Variants in STAT5B observed in about 807,000 individuals in gnomAD.
STAT5B encodes the protein signal transducer and activator of transcription 5B, also known as transcription factor STAT5B.
Under a neutral mutation model 107.8 loss-of-function variants are expected in STAT5B, and 21 were observed. The ratio of observed to expected loss-of-function variants is 0.19; its 90% CI spans 0.14 to 0.28. The LOEUF (loss-of-function observed/expected upper bound fraction) is 0.28, where lower values mean the gene tolerates loss of function less well. Ranked by LOEUF, STAT5B falls within the 10% of genes least tolerant of loss-of-function variation. STAT5B has a pLI of 1.00. For synonymous variants in STAT5B, 325 were observed against 401.7 expected (o/e 0.81, Z 2.28); for missense variants, 565 against 1,008.2 (o/e 0.56, Z 5.95).
intron 1 of STAT5B, among the ~76,000 whole-genome samples, chr17:42,240,687 T>C (rs1171563851): frequency 2.0e-5 from 3 of 152,210 alleles, no homozygotes; most frequent in Non-Finnish European, 2.9e-5. Flanking sequence ...CCAGGGTCGG[T>C]CCATACTACT....
At chr17:42,269,887 G>A (rs1480441409) in intron 1 of STAT5B, 1 of 151,234 alleles carries the variant, frequency 6.6e-6, no homozygotes. Context: ...CAGAGCTCTA[G>A]ACATACAATA....
At chr17:42,263,701 A>AT (rs1216950752) in intron 1 of STAT5B, among the ~76,000 whole-genome samples, 1 of 151,886 alleles carries the variant, frequency 6.6e-6, no homozygotes, top group Non-Finnish European at 1.5e-5. Flanking sequence ...TAATTTTTTA[A>AT]TTTTTTGTAG....
At chr17:42,244,918 T>C (rs1567670532) in intron 1 of STAT5B, among the ~76,000 whole-genome samples, 1 of 152,138 alleles carries the variant, frequency 6.6e-6, no homozygotes, top group Non-Finnish European at 1.5e-5. Context: ...ATTTATTTTT[T>C]TGAGACAGAG....
chr17:42,217,860 A>G (rs766468884), intron 9 of STAT5B: 184 of 454,544 alleles, frequency 4.0e-4, no homozygotes, highest in Middle Eastern at 6.6e-4. Context: ...GCCTGCCACC[A>G]CGCCCGGCTA....
chr17:42,218,200 T>C lies in STAT5B; in HGVS notation c.1120A>G (p.Ile374Val). The C allele has an allele frequency of 3.1e-6, 5 of 1,614,146 alleles. No homozygotes were observed. Among genetic ancestry groups the C allele is most frequent in the Non-Finnish European group, 3.4e-6 (4 of 1,180,030 alleles). The change falls in exon 9 of 19, where the codon ATC (isoleucine) becomes GTC (valine). Residue 374 changes from isoleucine (I) to valine (V), a missense_variant. This residue lies in a region of STAT5B where 70 missense variants were observed against 73.2 expected (regional missense o/e 0.96). Coordinates refer to ENST00000293328, the MANE Select transcript of STAT5B (RefSeq NM_012448.4). ...AGAGACTTGGCCTGCTGCTCACTGA[T>C]GATGGTGGCCTTCACCTGGGGGGGG... ...MNPPQVKATI[I>V]SEQQAKSLLK... is the part of the protein sequence containing the mutation.
rs889738722 is a variant in STAT5B, at chr17:42,201,577, G to A, written c.*161C>T. On this transcript the variant is annotated 3_prime_UTR_variant, in exon 19 of 19. Coordinates refer to ENST00000293328, the MANE Select transcript of STAT5B (RefSeq NM_012448.4). ...ACAAACACATACTCGCACTCCCTTC[G>A]CTGGTGCCACCATGCACAGAAACAC... 10 of 701,326 alleles carry A rather than the reference G, an allele frequency of 1.4e-5. No homozygotes were observed. Among genetic ancestry groups the A allele is most frequent in the Middle Eastern group, 3.1e-4 (1 of 3,230 alleles). 43.4% of individuals were successfully genotyped at this position (701,326 alleles called of 1,614,324 possible).
At position 42,219,880 on chromosome 17, in the gene STAT5B, C is replaced by T. The variant is rs201539401; in HGVS notation, c.551-38G>A. The T allele has an allele frequency of 1.6e-4, 259 of 1,613,838 alleles. 1 individual carries two copies. The highest frequency in any genetic ancestry group is 7.5e-4 in the South Asian group (68 of 91,034). Reference sequence around the variant, plus strand: ...AGAGGAAACCATGACCATCACCTCCCAGTGTCCAACAGGAGGCCCAGAGAA... The same window carrying T: ...AGAGGAAACCATGACCATCACCTCCTAGTGTCCAACAGGAGGCCCAGAGAA... On this transcript the variant is annotated intron_variant, in intron 5 of 18. Transcript: ENST00000293328.
the STAT5B span, among the ~76,000 whole-genome samples, chr17:42,286,282 GAC>G: frequency 1.4e-5 from 2 of 141,056 alleles, no homozygotes; most frequent in Non-Finnish European, 3.1e-5. Flanking sequence ...TGCAATGAAA[GAC>G]ACAGATATTC....
chr17:42,262,855 C>T (rs1489201432), intron 1 of STAT5B, among the ~76,000 whole-genome samples: 1 of 87,766 alleles, frequency 1.1e-5, no homozygotes, highest in Non-Finnish European at 2.2e-5. Context: ...TATGTATATA[C>T]ACACATATAT....
intron 1 of STAT5B, among the ~76,000 whole-genome samples, chr17:42,248,594 C>T (rs2080472490): frequency 6.6e-6 from 1 of 152,228 alleles, no homozygotes; most frequent in African/African-American, 2.4e-5. Context: ...CTACACACAA[C>T]TTAGCATGGT....
At chr17:42,216,181 AT>A in intron 11 of STAT5B, 75 bp from the exon 12 acceptor site, 1 of 1,277,632 alleles carries the variant, frequency 7.8e-7, no homozygotes, top group Non-Finnish European at 1.1e-6. Flanking sequence ...TTTTTTTCTT[AT>A]TATAACAACA....
At chr17:42,271,992 C>G (rs911901453) in intron 1 of STAT5B, 1 of 152,154 alleles carries the variant, frequency 6.6e-6, no homozygotes, top group Non-Finnish European at 1.5e-5. Flanking sequence ...GCAAACACAT[C>G]TGAATGTCAA....
intron 1 of STAT5B, among the ~76,000 whole-genome samples, chr17:42,257,277 C>T (rs552019765): frequency 1.8e-4 from 28 of 152,234 alleles, no homozygotes; most frequent in African/African-American, 6.7e-4. Flanking sequence ...TGGGAGAAAA[C>T]AGATACCACC....
In STAT5B at chr17:42,212,312, G is replaced by A. The variant is rs1598298828; in HGVS notation, c.1474-122C>T. ...CACACATTTGTCTTGCAGGGCCTGAGGATAAATTCAGACTCTGCTGGGGTA... is the reference window on the plus strand; with the variant it reads ...CACACATTTGTCTTGCAGGGCCTGAAGATAAATTCAGACTCTGCTGGGGTA... On this transcript the variant is annotated intron_variant, in intron 12 of 18. Coordinates refer to ENST00000293328, the MANE Select transcript of STAT5B (RefSeq NM_012448.4). 1.8e-5 allele frequency: 27 copies of A among 1,503,570 alleles called. 1 individual carries two copies. The East Asian group carries it at 6.2e-4, about 35-fold the overall frequency. 93.1% of individuals were successfully genotyped at this position (1,503,570 alleles called of 1,614,324 possible). A position where few individuals can be genotyped will look rare whatever the true frequency, so the allele number is the denominator to read the frequency against.
At chr17:42,253,831 G>C (rs921277459) in intron 1 of STAT5B, among the ~76,000 whole-genome samples, 1 of 152,084 alleles carries the variant, frequency 6.6e-6, no homozygotes, top group Non-Finnish European at 1.5e-5. Context: ...GTGAGTCACC[G>C]CGCCTGGCCT....
intron 1 of STAT5B, among the ~76,000 whole-genome samples, chr17:42,249,805 T>G (rs1325967295): frequency 6.6e-6 from 1 of 151,944 alleles, no homozygotes; most frequent in Non-Finnish European, 1.5e-5. Context: ...GGACCACAGG[T>G]GTGTGCCACT....
intron 2 of STAT5B, among the ~76,000 whole-genome samples, chr17:42,228,540 G>A (rs528644834): frequency 6.6e-6 from 1 of 152,170 alleles, no homozygotes; most frequent in East Asian, 1.9e-4. Context: ...ACTGGGTCTG[G>A]AGCCAAACAA....
rs766656341 is a variant in STAT5B at position 42,218,315 on chromosome 17, C to T, written c.1005G>A (p.Glu335=). The change falls in exon 9 of 19, where the codon GAG becomes GAA. Residue 335 remains glutamate (E), a synonymous_variant. Transcript: ENST00000293328. ...SALVTSTFII[E]KQPPQVLKTQ... ...TCTTCAGGACCTGAGGAGGCTGCTT[C>T]TCAATGATGAACGTGCTGCAGGGGA... The T allele has an allele frequency of 2.5e-6, 4 of 1,613,688 alleles. No homozygotes were observed. Among genetic ancestry groups the T allele is most frequent in the Non-Finnish European group, 3.4e-6 (4 of 1,179,842 alleles).
chr17:42,236,239 A>G lies in STAT5B; in HGVS notation c.-10-4102T>C, dbSNP rs1197006385. On this transcript the variant is annotated intron_variant, in intron 1 of 18. Coordinates refer to ENST00000293328, the MANE Select transcript of STAT5B (RefSeq NM_012448.4). ...TAGAGCTGGAGAGTAGATTCTGCTC[A>G]CTGCTATTCAAAAGTGTAAAATAAA... 2.6e-5 allele frequency among the ~76,000 whole-genome samples: 4 copies of G among 152,304 alleles called. No individual in the cohort carries two copies. In the East Asian group the frequency reaches 7.7e-4, roughly 29 times the overall value.
Sources: gnomAD v4.1 joint callset for allele counts (sites outside exome capture counted in the v4.1 genomes callset) on GRCh38, gnomAD v4.1.1 for gene constraint, gnomAD v4.1.1 regional missense constraint, MANE v1.5 for transcripts, NCBI Gene and HGNC (gene_info 2026-07-23, HGNC 2026-07-21) for gene names.